IL20RA: variants seen among roughly 807,000 people sequenced by gnomAD.
IL20RA encodes interleukin-20 receptor subunit alpha.
IL20RA carries 29 observed loss-of-function variants against 36.5 expected under a neutral mutation model. That is an observed-to-expected ratio of 0.79 (90% CI 0.59 to 1.08). The LOEUF is 1.08. Ranked by LOEUF, IL20RA falls within the 50% of genes least tolerant of loss-of-function variation. The pLI, the probability that IL20RA is intolerant of heterozygous loss-of-function variation, is 0.00. For synonymous variants in IL20RA, 279 were observed against 267.1 expected, an observed-to-expected ratio of 1.04 and a Z score of -0.43; for missense variants, 652 against 668.4, an observed-to-expected ratio of 0.98 and a Z score of 0.27.
chr6:137,034,767 T>C (rs62420790), intron 1 of IL20RA, among the ~76,000 whole-genome samples: 321 of 151,860 alleles, frequency 2.1e-3, no homozygotes, highest in East Asian at 5.4e-3. Context: ...GGTGAAACCC[T>C]GTCTCTACTA....
chr6:137,010,813 T>C (rs533193580), intron 3 of IL20RA, among the ~76,000 whole-genome samples: 3 of 152,142 alleles, frequency 2.0e-5, no homozygotes, highest in Non-Finnish European at 4.4e-5. Context: ...TAAAGTCATT[T>C]TGTTCCTCAA....
At position 137,008,610 on chromosome 6, in the gene IL20RA, C is replaced by G; in HGVS notation, c.713G>C (p.Arg238Thr). ...TTTTTAAAGCTTACCTTTCAAAGTCCTGGCACACTGCTTCTCAGAAGGCTG... is the reference window on the plus strand; with the variant it reads ...TTTTTAAAGCTTACCTTTCAAAGTCGTGGCACACTGCTTCTCAGAAGGCTG... ...RAQPSEKQCA[R>T]TLKDQSSEFK... Residue 238 changes from arginine to threonine, a missense_variant, in exon 5 of 7, where the codon AGG becomes ACG. Transcript: ENST00000316649. 6.3e-7 allele frequency: 1 copy of G among 1,598,458 alleles called. No homozygotes were observed. The highest frequency in any genetic ancestry group is 8.5e-7 in the Non-Finnish European group (1 of 1,173,006).
rs1175820599 is a variant in IL20RA at position 137,044,676 on chromosome 6, A to AGCAGCGGCGGCAGCG, written c.38_52dup (p.Pro13_Leu17dup). 2 of 1,224,528 alleles carry AGCAGCGGCGGCAGCG rather than the reference A, an allele frequency of 1.6e-6. No individual in the cohort carries two copies. Among genetic ancestry groups the AGCAGCGGCGGCAGCG allele is most frequent in the East Asian group, 3.2e-5 (1 of 30,952 alleles). The allele number at this position is 1,224,528 out of a possible 1,614,324, so 75.9% of individuals were successfully genotyped here. A position where few individuals can be genotyped will look rare whatever the true frequency, so the allele number is the denominator to read the frequency against. On this transcript the variant is annotated inframe_insertion, in exon 1 of 7. Transcript: ENST00000316649. ...CCAAGGCGCCGCCAGGAGCAACAGC[A>AGCAGCGGCGGCAGCG]GCAGCGGCGGCAGCGGCAGCGGCCG...
At chr6:137,023,375 A>T (rs1007912111) in intron 1 of IL20RA, among the ~76,000 whole-genome samples, 3 of 152,258 alleles carry the variant, frequency 2.0e-5, no homozygotes, top group African/African-American at 7.2e-5. Flanking sequence ...TCTAAGGAGT[A>T]CAAAGGAGCT....
chr6:137,038,988 A>C (rs1776583665), intron 1 of IL20RA, among the ~76,000 whole-genome samples: 1 of 152,228 alleles, frequency 6.6e-6, no homozygotes, highest in Non-Finnish European at 1.5e-5. Context: ...TTATACTAAA[A>C]TCTTAATTTT....
Position 137,004,159 on chromosome 6 carries a change from C to CGTTTTTTTTTTTTTTTTTTTTTTTTT in IL20RA, c.864+461_864+462insAAAAAAAAAAAAAAAAAAAAAAAAAC, listed in dbSNP as rs531501235. 2.2e-4 allele frequency among the ~76,000 whole-genome samples: 19 copies of CGTTTTTTTTTTTTTTTTTTTTTTTTT among 88,012 alleles called. 9 individuals carry two copies. Among genetic ancestry groups the CGTTTTTTTTTTTTTTTTTTTTTTTTT allele is most frequent in the Non-Finnish European group, 1.6e-4 (8 of 49,122 alleles). The allele number at this position is 88,012 out of a possible 152,430, so 57.7% of individuals were successfully genotyped here. A position where few individuals can be genotyped will look rare whatever the true frequency, so the allele number is the denominator to read the frequency against. On this transcript the variant is annotated intron_variant, in intron 6 of 6. Transcript: ENST00000316649. ...TCTGTTAGTCAGCTAATCCAGAAAG[C>CGTTTTTTTTTTTTTTTTTTTTTTTTT]TTTTTTTTTTTTTTTTTTTTTTTTT... is the stretch of plus-strand genomic sequence containing the variant.
chr6:137,015,407 G>C (rs1411346593), intron 2 of IL20RA, among the ~76,000 whole-genome samples: 1 of 152,080 alleles, frequency 6.6e-6, no homozygotes, highest in African/African-American at 2.4e-5. Flanking sequence ...TACAGATCCT[G>C]TTGTTTATGC....
intron 1 of IL20RA, 111 bp from the exon 2 acceptor site, chr6:137,017,214 T>G: frequency 2.7e-6 from 2 of 750,986 alleles, no homozygotes; most frequent in Non-Finnish European, 2.2e-6. Context: ...CCAGTATGCA[T>G]GCCCTATGTA....
chr6:137,039,576 A>C (rs1479553548), intron 1 of IL20RA, among the ~76,000 whole-genome samples: 2 of 152,240 alleles, frequency 1.3e-5, no homozygotes, highest in Non-Finnish European at 2.9e-5. Flanking sequence ...AAAGAAATTC[A>C]GGAAAAATAA....
intron 1 of IL20RA, among the ~76,000 whole-genome samples, chr6:137,037,445 G>A (rs1307138920): frequency 6.6e-6 from 1 of 152,182 alleles, no homozygotes; most frequent in Non-Finnish European, 1.5e-5. Flanking sequence ...TATGCTGTAA[G>A]AAGCAAACAG....
chr6:137,043,090 TTCTC>T (rs1249360845), intron 1 of IL20RA: 2 of 152,128 alleles, frequency 1.3e-5, no homozygotes, highest in African/African-American at 4.8e-5. Context: ...ACAATTTTAT[TTCTC>T]TCTCTCACTT....
chr6:137,015,703 A>G (rs412475), intron 2 of IL20RA, among the ~76,000 whole-genome samples: 124,434 of 152,156 alleles, frequency 0.82, 56,425 homozygotes, highest in East Asian at 1. Context: ...TATTGTCCAG[A>G]CTGGAGAGCA....
At chr6:137,004,504 T>C (rs1161516394) in intron 6 of IL20RA, 117 bp downstream of exon 6, 7 of 1,036,078 alleles carry the variant, frequency 6.8e-6, no homozygotes, top group Non-Finnish European at 7.3e-6. Context: ...TCACCAGCTA[T>C]TTAACTTTAA....
intron 2 of IL20RA, among the ~76,000 whole-genome samples, chr6:137,014,695 A>G (rs1336575426): frequency 6.6e-6 from 1 of 152,074 alleles, no homozygotes; most frequent in Non-Finnish European, 1.5e-5. Context: ...CAGTACACTT[A>G]TAGTTCCCCC....
chr6:137,029,670 G>T (rs1425016808), intron 1 of IL20RA, among the ~76,000 whole-genome samples: 1 of 152,110 alleles, frequency 6.6e-6, no homozygotes, highest in Non-Finnish European at 1.5e-5. Context: ...AATATGCATA[G>T]GAAGGGAAAA....
chr6:137,017,161 C>T, intron 1 of IL20RA, 58 bp from the exon 2 acceptor site: 2 of 1,426,786 alleles, frequency 1.4e-6, no homozygotes, highest in Non-Finnish European at 2.0e-6. Context: ...AAACATGATT[C>T]CTGTAGCAGC....
At chr6:137,040,082 G>C (rs1386245979) in intron 1 of IL20RA, among the ~76,000 whole-genome samples, 2 of 152,182 alleles carry the variant, frequency 1.3e-5, no homozygotes, top group African/African-American at 4.8e-5. Flanking sequence ...TCTCATAAGA[G>C]CATGAGTTAG....
chr6:137,008,967 A>G (rs764629041), intron 4 of IL20RA: 1 of 507,130 alleles, frequency 2.0e-6, no homozygotes, highest in Non-Finnish European at 3.4e-6. Flanking sequence ...GAACAATTCT[A>G]AACAACACAT....
At chr6:137,039,134 G>C (rs939494060) in intron 1 of IL20RA, among the ~76,000 whole-genome samples, 2 of 152,182 alleles carry the variant, frequency 1.3e-5, no homozygotes, top group Non-Finnish European at 2.9e-5. Flanking sequence ...TTCCTCCTCA[G>C]CCCTACTATG....
Sources: allele counts gnomAD v4.1 joint callset (sites outside exome capture counted in the v4.1 genomes callset), GRCh38; gene constraint gnomAD v4.1.1; transcripts MANE v1.5; gene names NCBI Gene and HGNC (gene_info 2026-07-23, HGNC 2026-07-21).